The following LARP4 variants were observed in gnomAD, a reference collection of about 807,000 sequenced individuals.
The protein encoded by LARP4 is la-related protein 4.
A neutral mutation model predicts 92.9 loss-of-function variants in LARP4; 29 were observed. The observed-to-expected ratio is 0.31, with a 90% CI of 0.23 to 0.43. The LOEUF (loss-of-function observed/expected upper bound fraction) is 0.43, where lower values mean the gene tolerates loss of function less well. Among genes scored for constraint, LARP4 ranks in the 20% least tolerant of loss-of-function variants. The pLI is 1.00. For synonymous variants in LARP4, 279 were observed against 284.1 expected (o/e 0.98, Z 0.18); for missense variants, 732 against 860.0 (o/e 0.85, Z 1.86).
chr12:50,473,522 G>A lies in LARP4; in HGVS notation c.1653G>A (p.Glu551=). 2 of 1,613,308 alleles carry A rather than the reference G, an allele frequency of 1.2e-6. No homozygotes were observed. The highest frequency in any genetic ancestry group is 1.7e-6 in the Non-Finnish European group (2 of 1,179,588). Residue 551 remains glutamate (E), a synonymous_variant, in exon 14 of 16, where the codon GAG becomes GAA. Transcript: ENST00000398473. ...GTACCAGTTCTCCATGTGCTGCTGA[G>A]CTTACTGCATTAAGGTACAAGTTAT... ...NMSTSSPCAA[E]LTALSTTQQE...
chr12:50,443,789 T>A (rs1374723917), intron 8 of LARP4, among the ~76,000 whole-genome samples: 4 of 151,894 alleles, frequency 2.6e-5, no homozygotes, highest in Non-Finnish European at 5.9e-5. Flanking sequence ...ATTTTTGTAT[T>A]TTTAGTAGAG....
At chr12:50,404,681 G>GTTTTTTTT (rs1162590362) in intron 1 of LARP4, among the ~76,000 whole-genome samples, 1 of 67,356 alleles carries the variant, frequency 1.5e-5, no homozygotes, top group African/African-American at 4.6e-5. Context: ...GGTTCAAGCA[G>GTTTTTTTT]TTTTTTTTTT....
chr12:50,448,744 C>G (rs1952630375), intron 8 of LARP4, among the ~76,000 whole-genome samples: 3 of 151,954 alleles, frequency 2.0e-5, no homozygotes, highest in Non-Finnish European at 1.5e-5. Flanking sequence ...AGGCTGGTCT[C>G]AAACTCCTGA....
rs1249630351 is a variant in LARP4, at chr12:50,453,537, C to T, written c.882C>T (p.Pro294=). 1 of 1,612,838 alleles carries T rather than the reference C, an allele frequency of 6.2e-7. No individual in the cohort carries two copies. Among genetic ancestry groups the T allele is most frequent in the Non-Finnish European group, 8.5e-7 (1 of 1,178,974 alleles). ...TGGATTCTAGTATCTATAGTCACCCCATTCAAACTCAAGCACAGTATGCCT... is the reference window on the plus strand; with the variant it reads ...TGGATTCTAGTATCTATAGTCACCCTATTCAAACTCAAGCACAGTATGCCT... ...RLMDSSIYSH[P]IQTQAQYASP... Residue 294 remains proline, a synonymous_variant, in exon 9 of 16, where the codon CCC becomes CCT. Coordinates refer to ENST00000398473, the MANE Select transcript of LARP4 (RefSeq NM_052879.5).
intron 1 of LARP4, chr12:50,402,697 G>C (rs181476002): frequency 2.2e-6 from 1 of 445,016 alleles, no homozygotes; most frequent in Admixed American, 2.5e-5. Flanking sequence ...AGCCCCAGAG[G>C]TTAAAGTAAC....
chr12:50,432,132 T>A (rs1949747313), intron 4 of LARP4, among the ~76,000 whole-genome samples: 1 of 152,206 alleles, frequency 6.6e-6, no homozygotes, highest in Non-Finnish European at 1.5e-5. Context: ...ACCTACTAAC[T>A]AGATCATTTA....
rs1004453373 is a variant in LARP4 at position 50,459,889 on chromosome 12, G to A, written c.1122-1246G>A. 6.1e-5 allele frequency among the ~76,000 whole-genome samples: 9 copies of A among 148,032 alleles called. No individual in the cohort carries two copies. The East Asian group carries it at 6.1e-4, about 10-fold the overall frequency. On this transcript the variant is annotated intron_variant, in intron 10 of 15. Coordinates refer to ENST00000398473, the MANE Select transcript of LARP4 (RefSeq NM_052879.5). ...TGTGATGGCTCATGCCTGTAATCCC[G>A]ACACTTTGGGAGGCCAAGGTGGGCG...
chr12:50,433,333 A>G (rs961969150), intron 4 of LARP4, among the ~76,000 whole-genome samples: 1 of 137,130 alleles, frequency 7.3e-6, no homozygotes, highest in Non-Finnish European at 1.5e-5. Context: ...GGAAGCTCCT[A>G]CTTGTCATGA....
rs1344271806 is a variant in LARP4 at position 50,476,074 on chromosome 12, A to C, written c.*210A>C. 1 of 325,296 alleles carries C rather than the reference A, an allele frequency of 3.1e-6. No homozygotes were observed. The highest frequency in any genetic ancestry group is 5.7e-6 in the Non-Finnish European group (1 of 174,584). The allele number at this position is 325,296 out of a possible 1,614,324, so 20.2% of individuals were successfully genotyped here. ...AATGCTGGAGGATTCCAATCAATAT[A>C]AATATATATATATATATACACACAC... is the stretch of plus-strand genomic sequence containing the variant. On this transcript the variant is annotated 3_prime_UTR_variant, in exon 16 of 16. Transcript: ENST00000398473.
chr12:50,467,172 T>C lies in LARP4; in HGVS notation c.1545+52T>C, dbSNP rs756411243. On this transcript the variant is annotated intron_variant, in intron 13 of 15. Coordinates refer to ENST00000398473, the MANE Select transcript of LARP4 (RefSeq NM_052879.5). ...CTTATGAGACCATATTTAGGCTTTA[T>C]TTGCAGTGTTGTTATTTAAAATTTT... The C allele has an allele frequency of 9.8e-6, 14 of 1,423,332 alleles. 1 individual carries two copies. Among genetic ancestry groups the C allele is most frequent in the Middle Eastern group, 1.9e-4 (1 of 5,348 alleles). 88.2% of individuals were successfully genotyped at this position (1,423,332 alleles called of 1,614,324 possible). A position where few individuals can be genotyped will look rare whatever the true frequency, so the allele number is the denominator to read the frequency against.
chr12:50,447,859 C>G (rs1432461978), intron 8 of LARP4, among the ~76,000 whole-genome samples: 1 of 150,496 alleles, frequency 6.6e-6, no homozygotes, highest in Non-Finnish European at 1.5e-5. Flanking sequence ...CCGCACCACT[C>G]CCCCCCCATT....
At position 50,476,603 on chromosome 12, in the gene LARP4, G is replaced by A. The variant is rs1483951403; in HGVS notation, c.*739G>A. On this transcript the variant is annotated 3_prime_UTR_variant, in exon 16 of 16. Transcript: ENST00000398473. ...TCAGTTTGATACTCAAGGAAAGGGGGTTATTCAAGAAATTGAAAATTTCAT... is the reference window on the plus strand; with the variant it reads ...TCAGTTTGATACTCAAGGAAAGGGGATTATTCAAGAAATTGAAAATTTCAT... The A allele has an allele frequency of 6.6e-6, 1 of 152,542 alleles. No homozygotes were observed. Among genetic ancestry groups the A allele is most frequent in the Non-Finnish European group, 1.5e-5 (1 of 68,034 alleles). The allele number at this position is 152,542 out of a possible 1,614,324, so 9.4% of individuals were successfully genotyped here.
chr12:50,447,137 A>G (rs568490204), intron 8 of LARP4, among the ~76,000 whole-genome samples: 32 of 152,348 alleles, frequency 2.1e-4, no homozygotes, highest in Middle Eastern at 3.4e-3. Flanking sequence ...ATTGCTCCAA[A>G]ATCGAAAAGT....
chr12:50,472,695 A>T, intron 13 of LARP4, among the ~76,000 whole-genome samples: 1 of 152,064 alleles, frequency 6.6e-6, no homozygotes, highest in East Asian at 1.9e-4. Context: ...TTTATTTTGT[A>T]GAGACTGGAT....
At position 50,478,496 on chromosome 12, in the gene LARP4, GTTTA is replaced by G. The variant is rs1184993031; in HGVS notation, c.*2640_*2643del. 2 of 152,094 alleles carry G rather than the reference GTTTA, an allele frequency of 1.3e-5. No individual in the cohort carries two copies. Among genetic ancestry groups the G allele is most frequent in the African/African-American group, 2.4e-5 (1 of 41,524 alleles). 9.4% of individuals were successfully genotyped at this position (152,094 alleles called of 1,614,324 possible). ...CTAATGAGGGTGGATGTTCATTGTAGTTTATTTATTTGGTTCTTTAGATGGAGGA... is the reference window on the plus strand; with the variant it reads ...CTAATGAGGGTGGATGTTCATTGTAGTTTATTTGGTTCTTTAGATGGAGGA... On this transcript the variant is annotated 3_prime_UTR_variant, in exon 16 of 16. Coordinates refer to ENST00000398473, the MANE Select transcript of LARP4 (RefSeq NM_052879.5).
At chr12:50,451,182 C>T (rs1002639432) in intron 8 of LARP4, among the ~76,000 whole-genome samples, 2 of 152,186 alleles carry the variant, frequency 1.3e-5, no homozygotes, top group Non-Finnish European at 2.9e-5. Flanking sequence ...TTTCTTCTAA[C>T]ACAAACTTTA....
chr12:50,457,053 C>T lies in LARP4; in HGVS notation c.1121+2636C>T, dbSNP rs187678677. On this transcript the variant is annotated intron_variant, in intron 10 of 15. Transcript: ENST00000398473. ...TCAGCCTTCTGAGTAGCTGGGACTACAGGCATGTGCTAGCTAATTGTTGTA... is the reference window on the plus strand; with the variant it reads ...TCAGCCTTCTGAGTAGCTGGGACTATAGGCATGTGCTAGCTAATTGTTGTA... Among the ~76,000 whole-genome samples the T allele has an allele frequency of 1.1e-4, 17 of 152,194 alleles. No individual in the cohort carries two copies. In the East Asian group the frequency reaches 3.3e-3, roughly 29 times the overall value.
intron 4 of LARP4, among the ~76,000 whole-genome samples, chr12:50,433,815 TTTTTAGTAGAGACGAGG>T (rs1469502815): frequency 1.3e-5 from 2 of 152,026 alleles, no homozygotes; most frequent in Non-Finnish European, 2.9e-5. Flanking sequence ...AAGTTTTGTG[TTTTTAGTAGAGACGAGG>T]TTTTATCATG....
chr12:50,437,310 G>C (rs1268140746), intron 5 of LARP4, among the ~76,000 whole-genome samples: 4 of 152,032 alleles, frequency 2.6e-5, no homozygotes, highest in Admixed American at 1.3e-4. Context: ...TTTAATCTTA[G>C]GAAGAATTTC....
Sources: allele counts gnomAD v4.1 joint callset (sites outside exome capture counted in the v4.1 genomes callset), GRCh38; gene constraint gnomAD v4.1.1; transcripts MANE v1.5; gene names NCBI Gene and HGNC (gene_info 2026-07-23, HGNC 2026-07-21).